Variants in ZDHHC7 observed in about 807,000 individuals in gnomAD.
ZDHHC7 encodes the protein zDHHC palmitoyltransferase 7, also known as palmitoyltransferase ZDHHC7.
In ZDHHC7, 12 loss-of-function variants were observed where a neutral mutation model predicts 34.1. The ratio of observed to expected loss-of-function variants is 0.35; its 90% CI spans 0.23 to 0.57. The LOEUF (loss-of-function observed/expected upper bound fraction) is 0.57, where lower values mean the gene tolerates loss of function less well. Ranked by LOEUF, ZDHHC7 falls within the 20% of genes least tolerant of loss-of-function variation. The pLI is 0.84. For missense variants in ZDHHC7, 388 were observed against 402.7 expected (o/e 0.96, Z 0.31); for synonymous variants, 185 against 155.4 (o/e 1.19, Z -1.42).
intron 1 of ZDHHC7, among the ~76,000 whole-genome samples, chr16:85,010,604 C>T (rs971985374): frequency 1.3e-5 from 2 of 152,230 alleles, no homozygotes; most frequent in African/African-American, 4.8e-5. Context: ...AGGCAGGTAG[C>T]CGCATCAACA....
At chr16:84,987,251 G>A (rs1231196152) in intron 3 of ZDHHC7, among the ~76,000 whole-genome samples, 1 of 152,190 alleles carries the variant, frequency 6.6e-6, no homozygotes, top group African/African-American at 2.4e-5. Context: ...GACTCAAGCA[G>A]ACATGCTTCC....
chr16:84,986,793 G>C (rs2072442618), intron 3 of ZDHHC7, among the ~76,000 whole-genome samples: 1 of 152,308 alleles, frequency 6.6e-6, no homozygotes, highest in South Asian at 2.1e-4. Context: ...AAAATGACAT[G>C]AAGTCCCACT....
At chr16:85,014,607 G>A (rs1191585744), upstream of ZDHHC7, among the ~76,000 whole-genome samples, 2 of 152,130 alleles carry the variant, frequency 1.3e-5, no homozygotes, top group African/African-American at 4.8e-5. Flanking sequence ...TGTAAGAAGT[G>A]GAAGTTGCAA....
chr16:85,009,898 T>C (rs1243880458), intron 1 of ZDHHC7, among the ~76,000 whole-genome samples: 3 of 151,850 alleles, frequency 2.0e-5, no homozygotes, highest in African/African-American at 4.8e-5. Context: ...TTAGTAGACA[T>C]GGGGTTTCAC....
intron 1 of ZDHHC7, among the ~76,000 whole-genome samples, chr16:84,997,338 G>A (rs1217137611): frequency 7.0e-6 from 1 of 141,854 alleles, no homozygotes; most frequent in Non-Finnish European, 1.5e-5. Context: ...GCGCAGTCTC[G>A]GCTCACTGCA....
upstream of ZDHHC7, among the ~76,000 whole-genome samples, chr16:85,014,790 A>G (rs962755036): frequency 5.3e-5 from 8 of 152,198 alleles, no homozygotes; most frequent in African/African-American, 1.7e-4. Flanking sequence ...GATTCTGAGA[A>G]CATTCCCAAG....
the ZDHHC7 span, among the ~76,000 whole-genome samples, chr16:85,024,689 T>G: frequency 7.0e-6 from 1 of 143,060 alleles, no homozygotes; most frequent in Non-Finnish European, 1.5e-5. Flanking sequence ...CCCTCCTTGT[T>G]CTGGCCAGAC....
At chr16:85,019,855 C>T in the ZDHHC7 span, among the ~76,000 whole-genome samples, 1 of 152,350 alleles carries the variant, frequency 6.6e-6, no homozygotes, top group East Asian at 1.9e-4. Flanking sequence ...CTCCCGGTCA[C>T]ACAGTGAAGA....
chr16:85,000,577 A>G (rs1046237571), intron 1 of ZDHHC7, among the ~76,000 whole-genome samples: 1 of 152,196 alleles, frequency 6.6e-6, no homozygotes, highest in African/African-American at 2.4e-5. Context: ...GTTTATATTA[A>G]AATACTATTT....
intron 1 of ZDHHC7, among the ~76,000 whole-genome samples, chr16:84,998,619 T>C (rs1323394732): frequency 6.6e-6 from 1 of 152,148 alleles, no homozygotes; most frequent in East Asian, 1.9e-4. Flanking sequence ...TGGAGGTCCC[T>C]GTGCCCATCA....
At chr16:84,999,248 G>C (rs1016235553) in intron 1 of ZDHHC7, among the ~76,000 whole-genome samples, 2 of 152,142 alleles carry the variant, frequency 1.3e-5, no homozygotes, top group Non-Finnish European at 2.9e-5. Context: ...TCTACAATGA[G>C]ATCAAATCTC....
At chr16:84,994,197 C>T (rs2072546213) in intron 2 of ZDHHC7, among the ~76,000 whole-genome samples, 2 of 152,232 alleles carry the variant, frequency 1.3e-5, no homozygotes, top group Admixed American at 6.5e-5. Context: ...CCCCCTCATG[C>T]CTTGCATGCT....
intron 1 of ZDHHC7, among the ~76,000 whole-genome samples, chr16:85,007,086 G>A (rs1210926838): frequency 3.3e-5 from 5 of 152,032 alleles, no homozygotes; most frequent in African/African-American, 4.8e-5. Context: ...TGGAGTCTGG[G>A]TTTGATTAGA....
At chr16:85,008,679 G>A (rs2072749662) in intron 1 of ZDHHC7, among the ~76,000 whole-genome samples, 2 of 151,858 alleles carry the variant, frequency 1.3e-5, no homozygotes, top group Admixed American at 6.6e-5. Flanking sequence ...TGACCCTGGA[G>A]ACTAACTTTG....
At chr16:85,013,818 G>C (rs901994635), upstream of ZDHHC7, among the ~76,000 whole-genome samples, 1 of 152,082 alleles carries the variant, frequency 6.6e-6, no homozygotes, top group Admixed American at 6.5e-5. Flanking sequence ...CTCCCAAGTA[G>C]CTGGGATTAC....
intron 1 of ZDHHC7, among the ~76,000 whole-genome samples, chr16:84,996,721 G>C (rs1212719627): frequency 6.6e-6 from 1 of 152,078 alleles, no homozygotes; most frequent in Non-Finnish European, 1.5e-5. Flanking sequence ...GCTTGTCGTA[G>C]CTCCATTATA....
At chr16:85,000,957 TG>T (rs2072644737) in intron 1 of ZDHHC7, among the ~76,000 whole-genome samples, 1 of 152,154 alleles carries the variant, frequency 6.6e-6, no homozygotes, top group Non-Finnish European at 1.5e-5. Flanking sequence ...ACAGACAGCA[TG>T]GGTGGGCCCC....
chr16:84,996,077 G>A (rs971685044), intron 1 of ZDHHC7, 70 bp from the exon 2 acceptor site: 2 of 151,992 alleles, frequency 1.3e-5, no homozygotes, highest in African/African-American at 2.4e-5. Context: ...TATTTCTTAG[G>A]GTATGATTAA....
intron 3 of ZDHHC7, among the ~76,000 whole-genome samples, chr16:84,988,154 G>C (rs552803143): frequency 4.0e-4 from 61 of 152,246 alleles, no homozygotes; most frequent in African/African-American, 1.3e-3. Context: ...CTGGGCGACA[G>C]AGTGAGACTC....
Sources: allele counts gnomAD v4.1 joint callset (sites outside exome capture counted in the v4.1 genomes callset), GRCh38; gene constraint gnomAD v4.1.1; transcripts MANE v1.5; gene names NCBI Gene and HGNC (gene_info 2026-07-23, HGNC 2026-07-21).